Variants in TMEM131L observed in about 807,000 individuals in gnomAD.
TMEM131L encodes transmembrane 131 like.
Under a neutral mutation model 192.2 loss-of-function variants are expected in TMEM131L, and 54 were observed. The ratio of observed to expected loss-of-function variants is 0.28; its 90% CI spans 0.23 to 0.35. The LOEUF (loss-of-function observed/expected upper bound fraction) is 0.35. TMEM131L is among the 10% of genes least tolerant of loss of function. The probability of loss-of-function intolerance (pLI) is 1.00; values close to 1 mark genes in which losing one functional copy is unlikely to be tolerated. For missense variants in TMEM131L, 1,888 were observed against 1,972.9 expected (o/e 0.96, Z 0.82); for synonymous variants, 701 against 704.9 (o/e 0.99, Z 0.09).
intron 3 of TMEM131L, among the ~76,000 whole-genome samples, chr4:153,489,985 C>T (rs747837188): frequency 5.9e-5 from 9 of 151,394 alleles, no homozygotes; most frequent in Non-Finnish European, 1.2e-4. Flanking sequence ...CAAATGAATA[C>T]GAGTTGATTC....
At chr4:153,569,620 C>G (rs970433424) in intron 7 of TMEM131L, among the ~76,000 whole-genome samples, 3 of 152,152 alleles carry the variant, frequency 2.0e-5, no homozygotes, top group Non-Finnish European at 4.4e-5. Flanking sequence ...AGGGTGAATT[C>G]CAAACCAGAC....
chr4:153,473,502 G>T (rs919695820), intron 2 of TMEM131L, among the ~76,000 whole-genome samples: 3 of 152,110 alleles, frequency 2.0e-5, no homozygotes, highest in African/African-American at 4.8e-5. Context: ...TATAAGATTT[G>T]CCCAGGGGTG....
chr4:153,622,661 G>C (rs1159639750), intron 28 of TMEM131L, among the ~76,000 whole-genome samples: 2 of 152,196 alleles, frequency 1.3e-5, no homozygotes, highest in South Asian at 2.1e-4. Context: ...TATGTAGTTG[G>C]TGTTGGCCCT....
intron 3 of TMEM131L, among the ~76,000 whole-genome samples, chr4:153,501,357 C>T (rs138136994): frequency 0.015 from 2,216 of 152,176 alleles, 59 homozygotes; most frequent in African/African-American, 0.049. Context: ...CGTGCCACCA[C>T]ACCCGGCTAA....
intron 3 of TMEM131L, among the ~76,000 whole-genome samples, chr4:153,497,142 A>G (rs1163511870): frequency 2.6e-5 from 4 of 152,216 alleles, no homozygotes; most frequent in Non-Finnish European, 4.4e-5. Flanking sequence ...GATTACTGGC[A>G]TGAGCCAGCA....
At chr4:153,473,267 A>T (rs1731279798) in intron 2 of TMEM131L, among the ~76,000 whole-genome samples, 1 of 152,324 alleles carries the variant, frequency 6.6e-6, no homozygotes, top group East Asian at 1.9e-4. Context: ...AGTGAATGAT[A>T]TGAGGAGACT....
At chr4:153,605,781 G>A (rs1732190876) in intron 25 of TMEM131L, among the ~76,000 whole-genome samples, 1 of 152,168 alleles carries the variant, frequency 6.6e-6, no homozygotes, top group Non-Finnish European at 1.5e-5. Flanking sequence ...GAAATATTAT[G>A]GATTGACTAC....
At chr4:153,559,610 C>T (rs1728714712) in intron 7 of TMEM131L, among the ~76,000 whole-genome samples, 1 of 152,146 alleles carries the variant, frequency 6.6e-6, no homozygotes, top group African/African-American at 2.4e-5. Flanking sequence ...ATTCTCTCAT[C>T]CCCCTGGCCT....
At chr4:153,624,743 C>T (rs1733709558) in intron 29 of TMEM131L, among the ~76,000 whole-genome samples, 1 of 152,344 alleles carries the variant, frequency 6.6e-6, no homozygotes, top group Admixed American at 6.5e-5. Context: ...TCCCAGTGCA[C>T]TTCCCACCTC....
chr4:153,514,417 A>G (rs569339490), intron 3 of TMEM131L, among the ~76,000 whole-genome samples: 35 of 152,342 alleles, frequency 2.3e-4, no homozygotes, highest in Admixed American at 1.3e-4. Flanking sequence ...TGAGTCAACA[A>G]TGCATGGTGA....
Position 153,620,840 on chromosome 4 carries a change from T to C in TMEM131L, c.3652T>C (p.Cys1218Arg), listed in dbSNP as rs755687833. Residue 1218 changes from cysteine (C) to arginine (R), a missense_variant, in exon 27 of 35, where the codon TGT becomes CGT. Transcript: ENST00000409959. ...QNLNWSKSRTCRKNKKRGVAP... is the reference protein window; with the variant it reads ...QNLNWSKSRTRRKNKKRGVAP... ...TTTAAATTGGAGTAAAAGTCGAACA[T>C]GTAGAAAGAACAAGAAAAGGGGTGT... 1 of 1,601,274 alleles carries C rather than the reference T, an allele frequency of 6.2e-7. No individual in the cohort carries two copies. Among genetic ancestry groups the C allele is most frequent in the Non-Finnish European group, 8.5e-7 (1 of 1,175,510 alleles).
intron 3 of TMEM131L, among the ~76,000 whole-genome samples, chr4:153,489,795 C>G (rs945356490): frequency 2.0e-5 from 3 of 150,848 alleles, no homozygotes; most frequent in African/African-American, 7.3e-5. Flanking sequence ...TTTTTTCTTG[C>G]GGAAAATAAG....
chr4:153,570,358 C>A (rs951459110), intron 7 of TMEM131L, among the ~76,000 whole-genome samples: 2 of 152,224 alleles, frequency 1.3e-5, no homozygotes, highest in East Asian at 3.9e-4. Context: ...CCTTGGTTTC[C>A]GCTTGAATTC....
chr4:153,587,698 T>C (rs1308391416), intron 14 of TMEM131L, 44 bp from the exon 15 acceptor site: 5 of 1,360,534 alleles, frequency 3.7e-6, no homozygotes, highest in Non-Finnish European at 4.2e-6. Flanking sequence ...TTTTTATGTT[T>C]AGTGCTGTGT....
rs149742667 is a variant in TMEM131L, at chr4:153,555,943, G to A, written c.432+33G>A. 2.3e-4 allele frequency: 356 copies of A among 1,541,720 alleles called. No homozygotes were observed. In the African/African-American group the frequency reaches 3.8e-3, roughly 16 times the overall value. ...TTGATGGACTCCTGGAAACTATGCC[G>A]TGGCAGGCAGCCAGGTTTTCTTGCT... On this transcript the variant is annotated intron_variant, in intron 5 of 34. Transcript: ENST00000409959. This position sits in a 1 kb window ranked among gnomAD's most constrained non-coding sequence, Gnocchi z 4.1.
At chr4:153,551,023 A>G (rs546768099) in intron 4 of TMEM131L, among the ~76,000 whole-genome samples, 20 of 152,180 alleles carry the variant, frequency 1.3e-4, no homozygotes, top group African/African-American at 4.8e-4. Context: ...CAACATAAGG[A>G]CTCTTGTTGT....
At chr4:153,606,242 G>A (rs1390535451) in intron 25 of TMEM131L, among the ~76,000 whole-genome samples, 44 of 152,298 alleles carry the variant, frequency 2.9e-4, no homozygotes, top group Non-Finnish European at 3.1e-4. Flanking sequence ...CCCCTGTTAC[G>A]TGAGTCTTTT....
chr4:153,603,394 A>G lies in TMEM131L; in HGVS notation c.2731A>G (p.Ser911Gly), dbSNP rs1055093698. ...FMKTRQRQNA[S>G]SSSQQNNGPM... ...GAAAACAAGACAGAGGCAAAATGCT[A>G]GCTCCTCTTCACAGCAAAACAATGG... Residue 911 changes from serine (S) to glycine (G), a missense_variant, in exon 24 of 35, where the codon AGC (serine) becomes GGC (glycine). By Grantham distance (56) the Ser-to-Gly change is moderately conservative. Transcript: ENST00000409959. The G allele has an allele frequency of 5.6e-6, 9 of 1,614,068 alleles. No individual in the cohort carries two copies. The highest frequency in any genetic ancestry group is 3.3e-5 in the Admixed American group (2 of 60,018).
chr4:153,627,777 C>T lies in TMEM131L; in HGVS notation c.4207+90C>T, dbSNP rs76790990. 5.3e-3 allele frequency: 5,702 copies of T among 1,071,266 alleles called. 36 individuals are homozygous for T. Among genetic ancestry groups the T allele is most frequent in the Middle Eastern group, 0.028 (136 of 4,916 alleles). The allele number at this position is 1,071,266 out of a possible 1,614,324, so 66.4% of individuals were successfully genotyped here. On this transcript the variant is annotated intron_variant, in intron 31 of 34. Coordinates refer to ENST00000409959, the MANE Select transcript of TMEM131L (RefSeq NM_001131007.2). ...GATGAGTTTGAGAAGACAGAGCAGG[C>T]GGGGTGGGACAGGGCCATTTCCCCA...
Sources: allele counts gnomAD v4.1 joint callset (sites outside exome capture counted in the v4.1 genomes callset), GRCh38; gene constraint gnomAD v4.1.1; non-coding constraint Gnocchi (gnomAD v3.1); transcripts MANE v1.5; gene names NCBI Gene and HGNC (gene_info 2026-07-23, HGNC 2026-07-21).